The following IL15 variants were observed in gnomAD, a reference collection of about 807,000 sequenced individuals.
The protein encoded by IL15 is interleukin 15.
Under a neutral mutation model 19.6 loss-of-function variants are expected in IL15, and 11 were observed. That is an observed-to-expected ratio of 0.56 (90% CI 0.35 to 0.93). IL15 has a LOEUF of 0.93. IL15 is among the 40% of genes least tolerant of loss of function. The probability of loss-of-function intolerance (pLI) is 0.01; values close to 1 mark genes in which losing one functional copy is unlikely to be tolerated. For synonymous variants in IL15, 58 were observed against 59.6 expected (o/e 0.97, Z 0.12); for missense variants, 197 against 186.5 (o/e 1.06, Z -0.33).
At chr4:141,726,181 C>T (rs80161309) in intron 5 of IL15, among the ~76,000 whole-genome samples, 4,061 of 151,940 alleles carry the variant, frequency 0.027, 186 homozygotes, top group African/African-American at 0.092. Context: ...ATTCAAACCA[C>T]AGCAATAATA....
chr4:141,716,164 T>A (rs1028411998), intron 2 of IL15: 4 of 152,416 alleles, frequency 2.6e-5, no homozygotes, highest in African/African-American at 9.7e-5. Context: ...GAGTCAGCAG[T>A]CACCTTGCAG....
intron 2 of IL15, among the ~76,000 whole-genome samples, chr4:141,680,434 T>A (rs1426961333): frequency 8.5e-5 from 13 of 152,220 alleles, no homozygotes; most frequent in African/African-American, 3.1e-4. Flanking sequence ...ACTTTTCCAA[T>A]GGTTCTGTTT....
chr4:141,703,115 G>A (rs559004963), intron 2 of IL15, among the ~76,000 whole-genome samples: 1 of 152,262 alleles, frequency 6.6e-6, no homozygotes, highest in East Asian at 1.9e-4. Flanking sequence ...CCTGCTATCA[G>A]CACCAGGTTT....
At chr4:141,698,494 A>G (rs1324825000) in intron 2 of IL15, among the ~76,000 whole-genome samples, 1 of 150,606 alleles carries the variant, frequency 6.6e-6, no homozygotes, top group East Asian at 1.9e-4. Flanking sequence ...AGCTTTTTTT[A>G]TTACTGATTC....
chr4:141,732,332 C>T (rs1036265473), intron 7 of IL15, among the ~76,000 whole-genome samples: 3 of 152,112 alleles, frequency 2.0e-5, no homozygotes, highest in Non-Finnish European at 4.4e-5. Flanking sequence ...AAGCCAGATG[C>T]TCACTCAGTG....
intron 4 of IL15, chr4:141,721,052 C>T (rs1310193919): frequency 3.2e-6 from 3 of 943,816 alleles, no homozygotes; most frequent in African/African-American, 1.7e-5. Flanking sequence ...TTTTTCTTCT[C>T]TCTTAGATGC....
intron 1 of IL15, among the ~76,000 whole-genome samples, chr4:141,654,335 A>T (rs1222686887): frequency 3.3e-5 from 5 of 152,180 alleles, no homozygotes; most frequent in Non-Finnish European, 7.3e-5. Context: ...CTTCCATTGA[A>T]AGCATTTATC....
intron 2 of IL15, among the ~76,000 whole-genome samples, chr4:141,675,215 G>A (rs2152169579): frequency 1.3e-5 from 2 of 151,242 alleles, no homozygotes; most frequent in Admixed American, 1.3e-4. Flanking sequence ...AAAGTTAAGT[G>A]TGACACTATT....
intron 2 of IL15, among the ~76,000 whole-genome samples, chr4:141,694,199 G>T (rs1468355927): frequency 6.6e-6 from 1 of 152,210 alleles, no homozygotes; most frequent in Non-Finnish European, 1.5e-5. Flanking sequence ...TGTTTTCTAG[G>T]TGAAATAAGC....
intron 2 of IL15, among the ~76,000 whole-genome samples, chr4:141,660,853 T>A (rs1210468863): frequency 6.6e-6 from 1 of 152,176 alleles, no homozygotes; most frequent in Non-Finnish European, 1.5e-5. Flanking sequence ...AACTAAGATG[T>A]CTAAAGTATA....
chr4:141,680,229 ATG>A (rs1208673320), intron 2 of IL15, among the ~76,000 whole-genome samples: 1 of 152,184 alleles, frequency 6.6e-6, no homozygotes, highest in African/African-American at 2.4e-5. Context: ...TTGGAAGCCA[ATG>A]TGCTGATTAT....
intron 1 of IL15, among the ~76,000 whole-genome samples, chr4:141,645,276 C>A (rs909127520): frequency 1.1e-4 from 17 of 152,058 alleles, no homozygotes; most frequent in African/African-American, 4.1e-4. Context: ...TTTTTAGAAG[C>A]CTTTTGACTA....
At chr4:141,685,876 G>A (rs1454197893) in intron 2 of IL15, among the ~76,000 whole-genome samples, 1 of 151,964 alleles carries the variant, frequency 6.6e-6, no homozygotes, top group Admixed American at 6.6e-5. Context: ...AAATATCTTT[G>A]TATTTTGTTA....
Position 141,720,888 on chromosome 4 carries a change from GA to G in IL15, c.110+324del, listed in dbSNP as rs1560937011. 7.5e-6 allele frequency: 4 copies of G among 532,488 alleles called. No individual in the cohort carries two copies. In the African/African-American group the frequency reaches 7.8e-5, roughly 10 times the overall value. The allele number at this position is 532,488 out of a possible 1,614,324, so 33.0% of individuals were successfully genotyped here. On this transcript the variant is annotated intron_variant, in intron 4 of 7. Coordinates refer to ENST00000320650, the MANE Select transcript of IL15 (RefSeq NM_000585.5). ...CATGGCAATTAAAAGTAGATATTTA[GA>G]ATTTGCTTATGTTACTTTTTTATCT...
At chr4:141,715,459 C>T (rs2152187756) in intron 2 of IL15, 1 of 152,282 alleles carries the variant, frequency 6.6e-6, no homozygotes, top group Middle Eastern at 3.4e-3. Flanking sequence ...CCCTTCTTAC[C>T]TTGTTTCCTT....
At chr4:141,724,838 G>T (rs1380087186) in intron 5 of IL15, among the ~76,000 whole-genome samples, 1 of 152,088 alleles carries the variant, frequency 6.6e-6, no homozygotes, top group Non-Finnish European at 1.5e-5. Context: ...CTTCAAGCCT[G>T]CTGGTTACAC....
intron 2 of IL15, among the ~76,000 whole-genome samples, chr4:141,674,690 G>T (rs992514796): frequency 6.6e-6 from 1 of 152,136 alleles, no homozygotes; most frequent in African/African-American, 2.4e-5. Context: ...GCTAAATAGT[G>T]TGCTAGGCAT....
intron 2 of IL15, among the ~76,000 whole-genome samples, chr4:141,672,430 A>T (rs1028505650): frequency 6.6e-6 from 1 of 152,130 alleles, no homozygotes; most frequent in African/African-American, 2.4e-5. Context: ...TTTTATTTTA[A>T]TCAAGTAGTT....
intron 2 of IL15, among the ~76,000 whole-genome samples, chr4:141,710,339 T>A (rs577633796): frequency 6.6e-5 from 10 of 152,340 alleles, no homozygotes; most frequent in Admixed American, 5.9e-4. Flanking sequence ...CTTTTATCCA[T>A]GTGCATTATC....
Sources: allele counts gnomAD v4.1 joint callset (sites outside exome capture counted in the v4.1 genomes callset), GRCh38; gene constraint gnomAD v4.1.1; transcripts MANE v1.5; gene names NCBI Gene and HGNC (gene_info 2026-07-23, HGNC 2026-07-21).